The following RP1L1 variants were observed in gnomAD, a reference collection of about 807,000 sequenced individuals.
RP1L1 encodes RP1 like 1, also known as retinitis pigmentosa 1-like 1 protein.
Under a neutral mutation model 15.7 loss-of-function variants are expected in RP1L1, and 27 were observed. That is an observed-to-expected ratio of 1.72 (90% confidence interval 1.27 to 2.38). RP1L1 has a LOEUF of 2.38. RP1L1 is among the 30% of genes most tolerant of loss of function. The pLI is 0.00. For missense variants in RP1L1, 4,798 were observed against 3,075.9 expected (o/e 1.56, Z -13.24); for synonymous variants, 1,813 against 1,276.7 (o/e 1.42, Z -8.96).
chr8:10,617,546 C>CTTTT (rs777209714), intron 2 of RP1L1, among the ~76,000 whole-genome samples: 261 of 63,332 alleles, frequency 4.1e-3, no homozygotes, highest in Middle Eastern at 0.017. Flanking sequence ...GTTTCTTTTT[C>CTTTT]TTTTTTTTTT....
rs199978661 is a variant in RP1L1 at position 10,610,863 on chromosome 8, C to A, written c.3235G>T (p.Val1079Leu). Residue 1079 changes from valine to leucine, a missense_variant, in exon 4 of 4, where the codon GTG becomes TTG. By Grantham distance (32) the Val-to-Leu change is conservative. Coordinates refer to ENST00000382483, the MANE Select transcript of RP1L1 (RefSeq NM_178857.6). ...CTCATGATCTGCGTGGAGGCAGACACCCGGCCAGGAAGTGCCCGCAGGCTC... is the reference window on the plus strand; with the variant it reads ...CTCATGATCTGCGTGGAGGCAGACAACCGGCCAGGAAGTGCCCGCAGGCTC... ...RVSLRALPGR[V>L]SASTQIMRAL... is the part of the protein sequence containing the mutation. 18 of 1,608,302 alleles carry A rather than the reference C, an allele frequency of 1.1e-5. No homozygotes were observed. Among genetic ancestry groups the A allele is most frequent in the African/African-American group, 1.1e-4 (8 of 74,748 alleles).
rs772756283 is a variant in RP1L1, at chr8:10,623,205, G to A, written c.-4C>T. 6.5e-7 allele frequency: 1 copy of A among 1,547,042 alleles called. No individual in the cohort carries two copies. Among genetic ancestry groups the A allele is most frequent in the East Asian group, 2.3e-5 (1 of 44,386 alleles). On this transcript the variant is annotated 5_prime_UTR_variant, in exon 2 of 4. Coordinates refer to ENST00000382483, the MANE Select transcript of RP1L1 (RefSeq NM_178857.6). ...CATTCCTGGGGGTGCTGTTCATGGT[G>A]TGGGGGCTCTGGCCGCTGTAACAGG... is the stretch of plus-strand genomic sequence containing the variant.
chr8:10,638,018 C>T (rs1260289906), intron 1 of RP1L1, among the ~76,000 whole-genome samples: 2 of 152,194 alleles, frequency 1.3e-5, no homozygotes, highest in Non-Finnish European at 2.9e-5. Context: ...AAGCTGGTGG[C>T]TTGCGAGACC....
Position 10,612,925 on chromosome 8 carries a change from G to T in RP1L1, c.1173C>A (p.Cys391Ter), listed in dbSNP as rs780917088. Reference protein sequence around the residue: ...VWGPRPCRVGCREVFGRGGQP... With the variant: ...VWGPRPCRVG ...GCCCGCCTCGGCCAAAGACTTCCCT[G>T]CATCCCACCCTGCAGGGCCGGGGTC... The change falls in exon 4 of 4, where the codon TGC becomes TGA. Residue 391 changes from cysteine to a stop codon, truncating the protein, a stop_gained. Coordinates refer to ENST00000382483, the MANE Select transcript of RP1L1 (RefSeq NM_178857.6). LOFTEE classifies it low-confidence loss of function (END_TRUNC). The T allele has an allele frequency of 3.7e-6, 6 of 1,613,026 alleles. No homozygotes were observed. In the South Asian group the frequency reaches 6.6e-5, roughly 18 times the overall value.
chr8:10,631,327 A>ACACACG (rs1488768704), intron 1 of RP1L1, among the ~76,000 whole-genome samples: 1 of 58,066 alleles, frequency 1.7e-5, no homozygotes, highest in African/African-American at 3.9e-5. Flanking sequence ...ACACACGCAC[A>ACACACG]CACACATGCA....
At chr8:10,649,612 C>G (rs1267668719) in intron 1 of RP1L1, among the ~76,000 whole-genome samples, 2 of 152,200 alleles carry the variant, frequency 1.3e-5, no homozygotes, top group African/African-American at 4.8e-5. Context: ...GGTGCGGTGG[C>G]TCATGCCTGT....
intron 1 of RP1L1, among the ~76,000 whole-genome samples, chr8:10,631,992 G>C (rs1328255988): frequency 6.6e-6 from 1 of 152,234 alleles, no homozygotes; most frequent in Non-Finnish European, 1.5e-5. Context: ...ATTTCCTTGA[G>C]AATGTTTTTG....
At chr8:10,633,196 G>A (rs1410810455) in intron 1 of RP1L1, among the ~76,000 whole-genome samples, 1 of 152,194 alleles carries the variant, frequency 6.6e-6, no homozygotes, top group Non-Finnish European at 1.5e-5. Context: ...CTGCCCCAGG[G>A]CCGTGAGCCA....
chr8:10,639,217 C>G (rs1252584065), intron 1 of RP1L1, among the ~76,000 whole-genome samples: 1 of 151,952 alleles, frequency 6.6e-6, no homozygotes, highest in Non-Finnish European at 1.5e-5. Context: ...GCCCTCAATT[C>G]TGCTCTTCAA....
chr8:10,647,184 G>A (rs979516905), intron 1 of RP1L1, among the ~76,000 whole-genome samples: 9 of 152,208 alleles, frequency 5.9e-5, no homozygotes, highest in African/African-American at 1.7e-4. Flanking sequence ...CTGCTCCAGG[G>A]CCTCCCTATA....
At chr8:10,654,753 T>G (rs1798613040) in intron 1 of RP1L1, 145 bp downstream of exon 1, 1 of 152,726 alleles carries the variant, frequency 6.5e-6, no homozygotes, top group Non-Finnish European at 1.5e-5. Context: ...CGATCCTGCG[T>G]CACCGCAAGC....
At chr8:10,615,867 C>T (rs1397410562) in intron 3 of RP1L1, among the ~76,000 whole-genome samples, 1 of 152,060 alleles carries the variant, frequency 6.6e-6, no homozygotes, top group East Asian at 1.9e-4. Context: ...ATTTTAGATT[C>T]TAGAAACTTT....
In RP1L1 at chr8:10,612,804, C is replaced by G. The variant is rs749125819; in HGVS notation, c.1294G>C (p.Val432Leu). 14 of 1,611,334 alleles carry G rather than the reference C, an allele frequency of 8.7e-6. No individual in the cohort carries two copies. Among genetic ancestry groups the G allele is most frequent in the Non-Finnish European group, 1.1e-5 (13 of 1,179,904 alleles). The change falls in exon 4 of 4, where the codon GTC becomes CTC. Residue 432 changes from valine (V) to leucine (L), a missense_variant. Val to Leu is a conservative substitution (Grantham distance 32). Transcript: ENST00000382483. The part of the protein sequence containing the change: ...ARKRWGLAQH[V>L]RCSGLWGHGT... ...TGGCCCCACAGGCCACTGCAGCGGA[C>G]GTGCTGGGCCAGTCCCCACCTCTTC...
In RP1L1 at chr8:10,613,281, G is replaced by T. The variant is rs767430743; in HGVS notation, c.817C>A (p.Arg273=). 1 of 1,607,052 alleles carries T rather than the reference G, an allele frequency of 6.2e-7. No homozygotes were observed. The highest frequency in any genetic ancestry group is 8.5e-7 in the Non-Finnish European group (1 of 1,179,978). Residue 273 remains arginine, a synonymous_variant, in exon 4 of 4, where the codon CGG becomes AGG. Transcript: ENST00000382483. ...HSRSPPGSTP[R]LPERPGPSNP... is the part of the protein sequence containing the mutation. ...CTAGGACCAGGCCTTTCTGGCAGCC[G>T]TGGCGTGCTGCCTGGCGGAGACCGC... is the stretch of plus-strand genomic sequence containing the variant.
chr8:10,641,927 G>A (rs946133927), intron 1 of RP1L1, among the ~76,000 whole-genome samples: 2 of 152,202 alleles, frequency 1.3e-5, no homozygotes, highest in African/African-American at 4.8e-5. Context: ...TGCCAGGGTT[G>A]AGGAGGAATG....
intron 1 of RP1L1, among the ~76,000 whole-genome samples, chr8:10,646,480 G>A (rs1008881475): frequency 2.6e-5 from 4 of 152,244 alleles, no homozygotes; most frequent in Non-Finnish European, 5.9e-5. Flanking sequence ...TGGAGCCCAC[G>A]AGAGGATGGA....
In RP1L1 at chr8:10,623,171, G is replaced by A. The variant is rs576818837; in HGVS notation, c.31C>T (p.Pro11Ser). The A allele has an allele frequency of 1.1e-5, 18 of 1,579,118 alleles. No homozygotes were observed. Among genetic ancestry groups the A allele is most frequent in the Middle Eastern group, 1.7e-4 (1 of 5,820 alleles). Residue 11 changes from proline (P) to serine (S), a missense_variant, in exon 2 of 4, where the codon CCG becomes TCG. Coordinates refer to ENST00000382483, the MANE Select transcript of RP1L1 (RefSeq NM_178857.6). ...GGCAGGAAGCACTCACGGTGGCTCG[G>A]GGCCTGGGCATTCCTGGGGGTGCTG... Reference protein sequence around the residue: MNSTPRNAQAPSHRECFLPSV... With the variant: MNSTPRNAQASSHRECFLPSV...
At chr8:10,641,340 C>T (rs927487915) in intron 1 of RP1L1, among the ~76,000 whole-genome samples, 3 of 152,276 alleles carry the variant, frequency 2.0e-5, no homozygotes, top group Middle Eastern at 3.4e-3. Flanking sequence ...TACAAGACAG[C>T]GACCCCTGGG....
At position 10,607,202 on chromosome 8, in the gene RP1L1, G is replaced by A. The variant is rs1797718394; in HGVS notation, c.6896C>T (p.Ser2299Phe). ...GCCCCAAGAGGATGCTCTGGAGGAG[G>A]AAGGGCCTGTTTGGGAGCCTGGCCT... is the stretch of plus-strand genomic sequence containing the variant. ...HQRPGSQTGP[S>F]SSRASSWGNC... The change falls in exon 4 of 4, where the codon TCC (serine) becomes TTC (phenylalanine). Residue 2299 changes from serine to phenylalanine, a missense_variant. Transcript: ENST00000382483. 1.2e-6 allele frequency: 2 copies of A among 1,614,232 alleles called. No homozygotes were observed. The highest frequency in any genetic ancestry group is 1.1e-5 in the South Asian group (1 of 91,090).
Sources: allele counts gnomAD v4.1 joint callset (sites outside exome capture counted in the v4.1 genomes callset), GRCh38; gene constraint gnomAD v4.1.1; transcripts MANE v1.5; gene names NCBI Gene and HGNC (gene_info 2026-07-23, HGNC 2026-07-21).